SCUBE1: variants seen among roughly 807,000 people sequenced by gnomAD.
SCUBE1 encodes signal peptide, CUB and EGF-like domain-containing protein 1.
In SCUBE1, 59 loss-of-function variants were observed where a neutral mutation model predicts 124.4. The ratio of observed to expected loss-of-function variants is 0.47; its 90% CI spans 0.38 to 0.59. SCUBE1 has a LOEUF of 0.59. SCUBE1 is among the 20% of genes least tolerant of loss of function. The pLI, the probability that SCUBE1 is intolerant of heterozygous loss-of-function variation, is 0.00. For synonymous variants in SCUBE1, 545 were observed against 550.9 expected, an observed-to-expected ratio of 0.99 and a Z score of 0.15; for missense variants, 1,150 against 1,371.2, an observed-to-expected ratio of 0.84 and a Z score of 2.55.
Position 43,255,398 on chromosome 22 carries a change from T to C in SCUBE1, c.727+2821A>G. ...CCCACACACAGCACACACACGCCCA[T>C]GTCCACATGCCAGTGCGCACCCGAG... On this transcript the variant is annotated intron_variant, in intron 6 of 21. Transcript: ENST00000360835. The surrounding 1 kb of genome is among the most constrained non-coding windows in gnomAD (Gnocchi z 4.7). 2 of 1,118,812 alleles carry C rather than the reference T, an allele frequency of 1.8e-6. No homozygotes were observed. 69.3% of individuals were successfully genotyped at this position (1,118,812 alleles called of 1,614,324 possible). A position where few individuals can be genotyped will look rare whatever the true frequency, so the allele number is the denominator to read the frequency against.
chr22:43,212,606 G>A lies in SCUBE1; in HGVS notation c.2054-14C>T, dbSNP rs375042648. On this transcript the variant is annotated splice_polypyrimidine_tract_variant and intron_variant, in intron 16 of 21. Coordinates refer to ENST00000360835, the MANE Select transcript of SCUBE1 (RefSeq NM_173050.5). ...GAGAACACTGGCCTGAAAGTCAGAG[G>A]TCATGGCTCAGGCGGGCAGGAGGGC... 6.9e-5 allele frequency: 107 copies of A among 1,558,694 alleles called. No homozygotes were observed. In the African/African-American group the frequency reaches 1.3e-3, roughly 20 times the overall value.
rs907865377 is a variant in SCUBE1, at chr22:43,211,216, G to A, written c.2222-133C>T. 54 of 876,148 alleles carry A rather than the reference G, an allele frequency of 6.2e-5. No homozygotes were observed. The highest frequency in any genetic ancestry group is 4.9e-4 in the Admixed American group (20 of 40,878). The allele number at this position is 876,148 out of a possible 1,614,324, so 54.3% of individuals were successfully genotyped here. On this transcript the variant is annotated intron_variant, in intron 17 of 21. Transcript: ENST00000360835. This position sits in a 1 kb window ranked among gnomAD's most constrained non-coding sequence, Gnocchi z 4.5. Reference sequence around the variant, plus strand: ...ACAGAGTTCAAGGCTCCTCCCCACCGCCCCATGACCTCCCACCACCCTCAC... The same window carrying A: ...ACAGAGTTCAAGGCTCCTCCCCACCACCCCATGACCTCCCACCACCCTCAC...
At chr22:43,265,564 C>A (rs1380678099) in intron 4 of SCUBE1, among the ~76,000 whole-genome samples, 1 of 152,244 alleles carries the variant, frequency 6.6e-6, no homozygotes, top group Non-Finnish European at 1.5e-5. Flanking sequence ...CCCCTGCACG[C>A]TGCCTCTCAC....
At chr22:43,214,390 C>T (rs916266686) in intron 15 of SCUBE1, 139 bp from the exon 16 acceptor site, 3 of 739,530 alleles carry the variant, frequency 4.1e-6, no homozygotes, top group Non-Finnish European at 6.3e-6. Flanking sequence ...GGGCCCCTGA[C>T]CTATCCCAGA....
intron 2 of SCUBE1, among the ~76,000 whole-genome samples, chr22:43,322,523 G>T (rs539889721): frequency 2.6e-4 from 40 of 152,248 alleles, no homozygotes; most frequent in Non-Finnish European, 4.7e-4. Context: ...CTACCAACGC[G>T]TGGTTTTTCT....
At chr22:43,207,972 G>C (rs974238348) in intron 20 of SCUBE1, 100 bp downstream of exon 20, 89 of 1,339,318 alleles carry the variant, frequency 6.6e-5, no homozygotes, top group Admixed American at 1.2e-4. Context: ...GTACCTGCCA[G>C]GTCGCAGCTC....
At chr22:43,276,901 C>T (rs1024811278) in intron 4 of SCUBE1, among the ~76,000 whole-genome samples, 2 of 152,326 alleles carry the variant, frequency 1.3e-5, no homozygotes, top group African/African-American at 2.4e-5. Context: ...TTCTCACGCA[C>T]GTCAACTCCA....
Position 43,262,588 on chromosome 22 carries a change from C to T in SCUBE1, c.610+132G>A, listed in dbSNP as rs1923911638. 5.7e-6 allele frequency: 6 copies of T among 1,057,746 alleles called. No homozygotes were observed. In the South Asian group the frequency reaches 8.9e-5, roughly 16 times the overall value. 65.5% of individuals were successfully genotyped at this position (1,057,746 alleles called of 1,614,324 possible). A position where few individuals can be genotyped will look rare whatever the true frequency, so the allele number is the denominator to read the frequency against. On this transcript the variant is annotated intron_variant, in intron 5 of 21. Transcript: ENST00000360835. ...TGCCCTATCAGGCCCCTTCCACAGG[C>T]CCTGCCCTTCTCTCCACCCCATGGG...
At chr22:43,296,940 G>A (rs187632238) in intron 3 of SCUBE1, among the ~76,000 whole-genome samples, 131 of 152,328 alleles carry the variant, frequency 8.6e-4, no homozygotes, top group African/African-American at 2.9e-3. Flanking sequence ...GCTGCTCCCC[G>A]TGAGCTGTGA....
intron 7 of SCUBE1, among the ~76,000 whole-genome samples, chr22:43,236,926 G>A (rs565078233): frequency 7.2e-5 from 11 of 152,314 alleles, no homozygotes; most frequent in African/African-American, 1.4e-4. Context: ...CACCTGTTCC[G>A]TGAGCGAGCG....
At chr22:43,279,516 A>T (rs1000724778) in intron 4 of SCUBE1, among the ~76,000 whole-genome samples, 2 of 152,268 alleles carry the variant, frequency 1.3e-5, no homozygotes, top group African/African-American at 4.8e-5. Context: ...CCCTCACCAG[A>T]CAGTGAATCT....
In SCUBE1 at chr22:43,255,433, T is replaced by C; in HGVS notation, c.727+2786A>G. 1 of 1,441,384 alleles carries C rather than the reference T, an allele frequency of 6.9e-7. No homozygotes were observed. Among genetic ancestry groups the C allele is most frequent in the Non-Finnish European group, 9.5e-7 (1 of 1,047,852 alleles). The allele number at this position is 1,441,384 out of a possible 1,614,324, so 89.3% of individuals were successfully genotyped here. ...CCAGTGCGCACCCGAGACACACATG[T>C]GCACACACACACACAAGTGCAAGTA... On this transcript the variant is annotated intron_variant, in intron 6 of 21. Transcript: ENST00000360835. This position sits in a 1 kb window ranked among gnomAD's most constrained non-coding sequence, Gnocchi z 4.7.
intron 4 of SCUBE1, 99 bp from the exon 5 acceptor site, chr22:43,262,944 C>T (rs1923927282): frequency 1.5e-6 from 2 of 1,329,416 alleles, no homozygotes; most frequent in Non-Finnish European, 2.1e-6. Context: ...ATGTAACAAT[C>T]AAATGGGCTG....
In SCUBE1 at chr22:43,234,626, G is replaced by T. The variant is rs539658458; in HGVS notation, c.845-2751C>A. Among the ~76,000 whole-genome samples, 5 of 152,318 alleles carry T rather than the reference G, an allele frequency of 3.3e-5. No homozygotes were observed. Among genetic ancestry groups the T allele is most frequent in the South Asian group, 4.1e-4 (2 of 4,828 alleles). On this transcript the variant is annotated intron_variant, in intron 7 of 21. Transcript: ENST00000360835. This position sits in a 1 kb window ranked among gnomAD's most constrained non-coding sequence, Gnocchi z 4.4. ...ACTACCTCAGGATATAGTGAAGGGG[G>T]TGCTGGGCTCATGGCCCCTGGGGTG... is the stretch of plus-strand genomic sequence containing the variant.
At chr22:43,244,803 C>A (rs544026710) in intron 6 of SCUBE1, among the ~76,000 whole-genome samples, 5 of 152,370 alleles carry the variant, frequency 3.3e-5, no homozygotes, top group African/African-American at 1.2e-4. Context: ...ATGGGCCCAG[C>A]GTCCCACAAA....
intron 10 of SCUBE1, among the ~76,000 whole-genome samples, chr22:43,225,131 G>A (rs1331102127): frequency 1.3e-5 from 2 of 151,964 alleles, no homozygotes; most frequent in East Asian, 3.9e-4. Context: ...CAAACCTTCC[G>A]AAATCCACTT....
chr22:43,298,390 C>T (rs909846612), intron 3 of SCUBE1, among the ~76,000 whole-genome samples: 3 of 152,238 alleles, frequency 2.0e-5, no homozygotes, highest in Non-Finnish European at 4.4e-5. Context: ...CAGAGCCAAC[C>T]TCTTGGCCTG....
At chr22:43,219,392 C>A (rs1921982708) in intron 14 of SCUBE1, among the ~76,000 whole-genome samples, 1 of 152,210 alleles carries the variant, frequency 6.6e-6, no homozygotes, top group Admixed American at 6.5e-5. Context: ...GGACAGCCTG[C>A]AGAGCCGAGA....
intron 7 of SCUBE1, 103 bp downstream of exon 7, chr22:43,238,735 T>C (rs774932508): frequency 2.0e-5 from 18 of 901,962 alleles, no homozygotes; most frequent in Non-Finnish European, 3.4e-5. Context: ...CAGCTACACG[T>C]GGCCCCCGTT....
Sources: gnomAD v4.1 joint callset for allele counts (sites outside exome capture counted in the v4.1 genomes callset) on GRCh38, gnomAD v4.1.1 for gene constraint, Gnocchi (gnomAD v3.1) non-coding constraint, MANE v1.5 for transcripts, NCBI Gene and HGNC (gene_info 2026-07-23, HGNC 2026-07-21) for gene names.